The following OR52H1 variants were observed in gnomAD, a reference collection of about 807,000 sequenced individuals.
OR52H1 encodes olfactory receptor family 52 subfamily H member 1, also known as olfactory receptor 52H1.
For missense variants in OR52H1, 383 were observed against 396.4 expected (o/e 0.97, Z 0.29); for synonymous variants, 148 against 138.6 (o/e 1.07, Z -0.48).
chr11:5,546,835 A>C (rs1846862851), intron 1 of OR52H1, among the ~76,000 whole-genome samples: 1 of 152,136 alleles, frequency 6.6e-6, no homozygotes, highest in East Asian at 1.9e-4. Context: ...AATCTACAAC[A>C]ATCTGTTTTC....
chr11:5,548,316 G>C (rs1846880948), intron 1 of OR52H1, 136 bp downstream of exon 1: 1 of 152,184 alleles, frequency 6.6e-6, no homozygotes. Context: ...CAGGACCTCA[G>C]TTTATAAATG....
At chr11:5,547,491 A>G (rs1846869974) in intron 1 of OR52H1, among the ~76,000 whole-genome samples, 1 of 152,212 alleles carries the variant, frequency 6.6e-6, no homozygotes, top group Non-Finnish European at 1.5e-5. Flanking sequence ...TCAGAAAGCT[A>G]GGTTTCACAA....
chr11:5,546,114 TA>T (rs1038917697), intron 1 of OR52H1, among the ~76,000 whole-genome samples: 4 of 150,542 alleles, frequency 2.7e-5, no homozygotes, highest in Admixed American at 2.7e-4. Flanking sequence ...CTATGCTGGA[TA>T]ACATGTGTAA....
chr11:5,545,234 G>C lies in OR52H1; in HGVS notation c.272C>G (p.Ala91Gly), dbSNP rs1051740660. The C allele has an allele frequency of 6.2e-7, 1 of 1,614,158 alleles. No homozygotes were observed. Among genetic ancestry groups the C allele is most frequent in the African/African-American group, 1.3e-5 (1 of 75,056 alleles). ...PKALSIFWLG[A>G]REITFPGCLT... Reference sequence around the variant, plus strand: ...GCATCCTGGGAATGTGATTTCGCGAGCCCCTAGCCAAAAGATACTGAGTGC... The same window carrying C: ...GCATCCTGGGAATGTGATTTCGCGACCCCCTAGCCAAAAGATACTGAGTGC... The change falls in exon 2 of 2, where the codon GCT (alanine) becomes GGT (glycine). Residue 91 changes from alanine to glycine, a missense_variant. Coordinates refer to ENST00000322653, the MANE Select transcript of OR52H1 (RefSeq NM_001005289.5).
chr11:5,547,019 G>A (rs921097119), intron 1 of OR52H1, among the ~76,000 whole-genome samples: 1 of 152,024 alleles, frequency 6.6e-6, no homozygotes, highest in African/African-American at 2.4e-5. Context: ...GCTGTGGCAC[G>A]ATCTCGGCTC....
intron 1 of OR52H1, among the ~76,000 whole-genome samples, chr11:5,547,058 C>A (rs369806353): frequency 6.6e-6 from 1 of 152,056 alleles, no homozygotes; most frequent in African/African-American, 2.4e-5. Context: ...CCGGTTCAAG[C>A]GATTCTCCTG....
chr11:5,545,666 G>T, intron 1 of OR52H1, 131 bp from the exon 2 acceptor site: 1 of 844,196 alleles, frequency 1.2e-6, no homozygotes, highest in Non-Finnish European at 1.8e-6. Flanking sequence ...TGTCTGAAAT[G>T]AACAAAGGTT....
chr11:5,546,623 C>A (rs181112389), intron 1 of OR52H1, among the ~76,000 whole-genome samples: 2 of 152,304 alleles, frequency 1.3e-5, no homozygotes, highest in African/African-American at 4.8e-5. Context: ...GCCTCTATAA[C>A]AACTCACAGC....
chr11:5,545,594 A>G, intron 1 of OR52H1, 59 bp from the exon 2 acceptor site: 1 of 1,431,822 alleles, frequency 7.0e-7, no homozygotes, highest in South Asian at 1.3e-5. Context: ...ACTTTCAACT[A>G]ATTATAATTA....
At position 5,545,472 on chromosome 11, in the gene OR52H1, C is replaced by T. The variant is rs1161938397; in HGVS notation, c.34G>A (p.Gly12Arg). ...GGGATCCCTACCAGAATGAAGGGTC[C>T]TGGATTGTAACTGCTCAGGTTGAAA... ...IIFNLSSYNP[G>R]PFILVGIPGL... is the part of the protein sequence containing the mutation. Residue 12 changes from glycine (G) to arginine (R), a missense_variant, in exon 2 of 2, where the codon GGA becomes AGA. Transcript: ENST00000322653. 1 of 1,614,046 alleles carries T rather than the reference C, an allele frequency of 6.2e-7. No homozygotes were observed. The highest frequency in any genetic ancestry group is 1.7e-5 in the Admixed American group (1 of 60,016).
chr11:5,547,812 A>T (rs1359338542), intron 1 of OR52H1, among the ~76,000 whole-genome samples: 50 of 152,034 alleles, frequency 3.3e-4, no homozygotes, highest in Non-Finnish European at 1.6e-4. Context: ...TGCCTGGCTA[A>T]TTTCTTTGTA....
At chr11:5,548,182 G>A (rs1481174703) in intron 1 of OR52H1, among the ~76,000 whole-genome samples, 1 of 152,182 alleles carries the variant, frequency 6.6e-6, no homozygotes, top group Non-Finnish European at 1.5e-5. Context: ...CTTGTCACAT[G>A]TCTGAAACAG....
rs1247338144 is a variant in OR52H1 at position 5,545,099 on chromosome 11, G to A, written c.407C>T (p.Thr136Ile). Residue 136 changes from threonine (T) to isoleucine (I), a missense_variant, in exon 2 of 2, where the codon ACC becomes ATC. Physicochemically the swap from Thr to Ile is moderately conservative, Grantham distance 89. Coordinates refer to ENST00000322653, the MANE Select transcript of OR52H1 (RefSeq NM_001005289.5). ...VAICSPLRYT[T>I]ILTPKTIIKS... ...GATGATGGTCTTGGGAGTCAAGATG[G>A]TGGTATATCTCAAGGGAGAACAGAT... 5.0e-6 allele frequency: 8 copies of A among 1,613,950 alleles called. No homozygotes were observed. The highest frequency in any genetic ancestry group is 1.7e-5 in the Admixed American group (1 of 60,004).
intron 1 of OR52H1, among the ~76,000 whole-genome samples, chr11:5,547,978 AG>A (rs1222523153): frequency 6.6e-6 from 1 of 152,248 alleles, no homozygotes; most frequent in East Asian, 1.9e-4. Context: ...CCTGAAACAT[AG>A]TAAGCATGTA....
chr11:5,544,642 T>G lies in OR52H1; in HGVS notation c.864A>C (p.Ala288=). 6.2e-7 allele frequency: 1 copy of G among 1,614,074 alleles called. No individual in the cohort carries two copies. The highest frequency in any genetic ancestry group is 8.5e-7 in the Non-Finnish European group (1 of 1,180,004). ...FANLYIVIPP[A]LNPMVYGVKT... Reference sequence around the variant, plus strand: ...TCACTCCGTAAACCATGGGGTTGAGTGCAGGTGGGATAACAATGTAGAGAT... The same window carrying G: ...TCACTCCGTAAACCATGGGGTTGAGGGCAGGTGGGATAACAATGTAGAGAT... The change falls in exon 2 of 2, where the codon GCA becomes GCC. Residue 288 remains alanine (A), a synonymous_variant. Coordinates refer to ENST00000322653, the MANE Select transcript of OR52H1 (RefSeq NM_001005289.5).
rs1298127929 is a variant in OR52H1, at chr11:5,545,381, A to T, written c.125T>A (p.Val42Glu). Reference protein sequence around the residue: ...PFCIIYIVAVVGNCILLYLIV... With the variant: ...PFCIIYIVAVEGNCILLYLIV... ...GAGGTAGAGAAGGATGCAGTTTCCC[A>T]CAACAGCTACAATGTAGATGATACA... The change falls in exon 2 of 2, where the codon GTG becomes GAG. Residue 42 changes from valine (V) to glutamate (E), a missense_variant. Transcript: ENST00000322653. The T allele has an allele frequency of 1.2e-6, 2 of 1,614,184 alleles. No homozygotes were observed. The highest frequency in any genetic ancestry group is 2.2e-5 in the South Asian group (2 of 91,080).
intron 1 of OR52H1, among the ~76,000 whole-genome samples, chr11:5,547,915 G>A (rs1269562534): frequency 6.6e-6 from 1 of 152,204 alleles, no homozygotes; most frequent in Non-Finnish European, 1.5e-5. Flanking sequence ...AAAGTGCTGG[G>A]ATTATAGGCG....
Position 5,544,915 on chromosome 11 carries a change from G to T in OR52H1, c.591C>A (p.Asn197Lys), listed in dbSNP as rs1402801813. 8 of 1,614,030 alleles carry T rather than the reference G, an allele frequency of 5.0e-6. No individual in the cohort carries two copies. The highest frequency in any genetic ancestry group is 1.7e-5 in the Admixed American group (1 of 60,000). The change falls in exon 2 of 2, where the codon AAC (asparagine) becomes AAA (lysine). Residue 197 changes from asparagine (N) to lysine (K), a missense_variant. Transcript: ENST00000322653. ...TGGGAACACAAAAGCCATACCAGAAGTTGATGGAGATATCAGCACAGGCGA... is the reference window on the plus strand; with the variant it reads ...TGGGAACACAAAAGCCATACCAGAATTTGATGGAGATATCAGCACAGGCGA... The part of the protein sequence containing the change: ...AQLACADISI[N>K]FWYGFCVPIM...
At position 5,544,801 on chromosome 11, in the gene OR52H1, G is replaced by A; in HGVS notation, c.705C>T (p.Ala235=). 3.7e-6 allele frequency: 6 copies of A among 1,614,110 alleles called. No individual in the cohort carries two copies. Among genetic ancestry groups the A allele is most frequent in the Non-Finnish European group, 5.1e-6 (6 of 1,180,012 alleles). Residue 235 remains alanine (A), a synonymous_variant, in exon 2 of 2, where the codon GCC becomes GCT. Transcript: ENST00000322653. ...CACAAGTGCCGAGGGCTTTCTGGCA[G>A]GCATCTTGGGAGGGAAGGCCAAAGA... ...CAVFGLPSQD[A]CQKALGTCGS...
Sources: gnomAD v4.1 joint callset for allele counts (sites outside exome capture counted in the v4.1 genomes callset) on GRCh38, gnomAD v4.1.1 for gene constraint, MANE v1.5 for transcripts, NCBI Gene and HGNC (gene_info 2026-07-23, HGNC 2026-07-21) for gene names.